LRRC7: variants seen among roughly 807,000 people sequenced by gnomAD.
LRRC7 encodes the protein leucine-rich repeat-containing protein 7.
In LRRC7, 23 loss-of-function variants were observed where a neutral mutation model predicts 175.7. That is an observed-to-expected ratio of 0.13 (90% CI 0.09 to 0.19). The LOEUF is 0.19. Ranked by LOEUF, LRRC7 falls within the 10% of genes least tolerant of loss-of-function variation. The pLI is 1.00. For missense variants in LRRC7, 1,354 were observed against 1,904.7 expected (o/e 0.71, Z 5.38); for synonymous variants, 685 against 680.9 (o/e 1.01, Z -0.09).
intron 8 of LRRC7, among the ~76,000 whole-genome samples, chr1:69,957,129 T>C (rs1650578221): frequency 6.6e-6 from 1 of 151,876 alleles, no homozygotes; most frequent in Non-Finnish European, 1.5e-5. Flanking sequence ...TTAACATATA[T>C]TTATTAAATA....
chr1:69,954,706 T>A (rs1389601506), intron 8 of LRRC7, among the ~76,000 whole-genome samples: 1 of 151,368 alleles, frequency 6.6e-6, no homozygotes, highest in Non-Finnish European at 1.5e-5. Context: ...AGAAAAACTG[T>A]TTTTTTAAGA....
At chr1:70,001,946 CAG>C (rs780102655) in intron 11 of LRRC7, among the ~76,000 whole-genome samples, 11 of 152,210 alleles carry the variant, frequency 7.2e-5, no homozygotes, top group South Asian at 6.2e-4. Flanking sequence ...GAAACAGAGG[CAG>C]AGAGAAGTCA....
chr1:69,983,861 A>C (rs1380599436), intron 9 of LRRC7, among the ~76,000 whole-genome samples: 6 of 152,172 alleles, frequency 3.9e-5, no homozygotes, highest in Non-Finnish European at 7.3e-5. Context: ...GACATGACTT[A>C]ATCTCCAATA....
intron 7 of LRRC7, among the ~76,000 whole-genome samples, chr1:69,879,297 A>T (rs1166278171): frequency 6.6e-6 from 1 of 151,662 alleles, no homozygotes; most frequent in Non-Finnish European, 1.5e-5. Context: ...GACAAACTCA[A>T]AAACAAAGAA....
intron 3 of LRRC7, among the ~76,000 whole-genome samples, chr1:69,783,588 T>C (rs944217114): frequency 1.9e-4 from 29 of 151,638 alleles, no homozygotes; most frequent in African/African-American, 6.8e-4. Flanking sequence ...CTGTCTCTAC[T>C]AAAAATACAA....
chr1:69,868,226 AC>A (rs1553166312), intron 7 of LRRC7, among the ~76,000 whole-genome samples: 1 of 152,162 alleles, frequency 6.6e-6, no homozygotes, highest in Non-Finnish European at 1.5e-5. Context: ...AAAATTTTGT[AC>A]AATAAAATTT....
At chr1:69,991,540 C>T (rs1477509435) in intron 10 of LRRC7, among the ~76,000 whole-genome samples, 3 of 152,108 alleles carry the variant, frequency 2.0e-5, no homozygotes, top group African/African-American at 7.2e-5. Flanking sequence ...AGAGAATTCC[C>T]TTTCTTGGTC....
chr1:69,698,011 A>G (rs1324157154), intron 2 of LRRC7, among the ~76,000 whole-genome samples: 1 of 152,230 alleles, frequency 6.6e-6, no homozygotes, highest in Non-Finnish European at 1.5e-5. Flanking sequence ...AGACCCTGCC[A>G]ATCAGACAAT....
chr1:69,757,722 G>C (rs963951075), intron 2 of LRRC7, among the ~76,000 whole-genome samples: 3 of 151,854 alleles, frequency 2.0e-5, no homozygotes, highest in Admixed American at 2.0e-4. Flanking sequence ...CAGACATCAA[G>C]AAATAGCCAT....
intron 1 of LRRC7, among the ~76,000 whole-genome samples, chr1:69,661,473 C>G (rs750457231): frequency 1.4e-4 from 22 of 152,112 alleles, no homozygotes; most frequent in Non-Finnish European, 3.1e-4. Context: ...TCATAGCCAT[C>G]AAACAGTACT....
At chr1:69,822,766 C>T (rs1679449615) in intron 4 of LRRC7, among the ~76,000 whole-genome samples, 1 of 152,174 alleles carries the variant, frequency 6.6e-6, no homozygotes, top group Non-Finnish European at 1.5e-5. Flanking sequence ...GTACTATCTT[C>T]AATGAGTCTA....
intron 1 of LRRC7, among the ~76,000 whole-genome samples, chr1:69,581,125 C>A (rs1646185005): frequency 6.6e-6 from 1 of 152,080 alleles, no homozygotes; most frequent in South Asian, 2.1e-4. Flanking sequence ...ACTTACTGAC[C>A]AGGTTAAGAA....
intron 24 of LRRC7, among the ~76,000 whole-genome samples, chr1:70,081,322 A>T (rs369623754): frequency 6.6e-6 from 1 of 152,260 alleles, no homozygotes; most frequent in Non-Finnish European, 1.5e-5. Flanking sequence ...TTGCAAATGT[A>T]TAATACAAGA....
At chr1:69,579,085 T>C (rs1054019996) in intron 1 of LRRC7, among the ~76,000 whole-genome samples, 3 of 152,150 alleles carry the variant, frequency 2.0e-5, no homozygotes, top group African/African-American at 4.8e-5. Flanking sequence ...ATAGCATATT[T>C]TAGTTCAGAA....
At chr1:69,823,451 T>C (rs1410448334) in intron 4 of LRRC7, among the ~76,000 whole-genome samples, 2 of 152,202 alleles carry the variant, frequency 1.3e-5, no homozygotes, top group East Asian at 3.8e-4. Flanking sequence ...TGAAGTCTTT[T>C]TCATCCCATT....
intron 4 of LRRC7, among the ~76,000 whole-genome samples, chr1:69,809,022 T>G (rs758228107): frequency 2.0e-5 from 3 of 151,836 alleles, no homozygotes; most frequent in Non-Finnish European, 4.4e-5. Context: ...CAAAATAGAC[T>G]GCTAGCCAGA....
intron 26 of LRRC7, among the ~76,000 whole-genome samples, chr1:70,108,976 G>T (rs1198719245): frequency 3.3e-5 from 5 of 152,030 alleles, no homozygotes; most frequent in African/African-American, 1.2e-4. Context: ...TGTTGTTGTT[G>T]TTTGGTGGTG....
chr1:69,919,794 C>T, intron 7 of LRRC7: 1 of 848,070 alleles, frequency 1.2e-6, no homozygotes, highest in African/African-American at 1.7e-5. Context: ...ATGAGCGGGA[C>T]AGTGTTCACG....
chr1:70,092,539 A>G (rs1356533555), intron 25 of LRRC7, among the ~76,000 whole-genome samples: 7 of 152,160 alleles, frequency 4.6e-5, no homozygotes, highest in Admixed American at 4.6e-4. Flanking sequence ...ACTGAAGTTA[A>G]TTAATACATT....
Sources: allele counts gnomAD v4.1 joint callset (sites outside exome capture counted in the v4.1 genomes callset), GRCh38; gene constraint gnomAD v4.1.1; transcripts MANE v1.5; gene names NCBI Gene and HGNC (gene_info 2026-07-23, HGNC 2026-07-21).